TGFBI: variants seen among roughly 807,000 people sequenced by gnomAD.
TGFBI encodes transforming growth factor beta induced.
TGFBI carries 50 observed loss-of-function variants against 73.7 expected under a neutral mutation model. That is an observed-to-expected ratio of 0.68 (90% CI 0.54 to 0.86). The LOEUF is 0.86. TGFBI is among the 40% of genes least tolerant of loss of function. TGFBI has a pLI of 0.00. For synonymous variants in TGFBI, 362 were observed against 360.5 expected, an observed-to-expected ratio of 1.00 and a Z score of -0.05; for missense variants, 839 against 877.0, an observed-to-expected ratio of 0.96 and a Z score of 0.55.
chr5:136,056,098 C>T (rs1290594945), intron 11 of TGFBI, among the ~76,000 whole-genome samples: 5 of 152,180 alleles, frequency 3.3e-5, no homozygotes, highest in Non-Finnish European at 7.3e-5. Flanking sequence ...GAAAACATCA[C>T]CCTCTCATTG....
rs372357214 is a variant in TGFBI at position 136,056,804 on chromosome 5, C to A, written c.1678+9C>A. The A allele has an allele frequency of 1.2e-6, 2 of 1,610,486 alleles. No homozygotes were observed. Among genetic ancestry groups the A allele is most frequent in the Non-Finnish European group, 1.7e-6 (2 of 1,178,142 alleles). ...ACGGAGCAGACTCTTGGGTAAAGACCAACTTAAGTACACGTCTCCATTTTT... is the reference window on the plus strand; with the variant it reads ...ACGGAGCAGACTCTTGGGTAAAGACAAACTTAAGTACACGTCTCCATTTTT... On this transcript the variant is annotated intron_variant, in intron 12 of 16. Transcript: ENST00000442011.
chr5:136,040,368 G>A (rs1210691366), intron 2 of TGFBI, among the ~76,000 whole-genome samples: 1 of 152,210 alleles, frequency 6.6e-6, no homozygotes, highest in East Asian at 1.9e-4. Flanking sequence ...GAGTGGCAGG[G>A]AGTGAGCATT....
intron 6 of TGFBI, chr5:136,049,120 T>G: frequency 3.9e-6 from 1 of 257,792 alleles, no homozygotes; most frequent in Non-Finnish European, 7.5e-6. Flanking sequence ...GAAATGATAT[T>G]TTAGTGGAAG....
In TGFBI at chr5:136,054,503, G is replaced by A. The variant is rs147234618; in HGVS notation, c.1265-213G>A. Among the ~76,000 whole-genome samples the A allele has an allele frequency of 2.4e-4, 37 of 152,234 alleles. 1 individual carries two copies. Among genetic ancestry groups the A allele is most frequent in the South Asian group, 1.9e-3 (9 of 4,814 alleles). ...GTGCGTGCCTGCCCTTCCCTCTTAG[G>A]GCAAAACTCCAAACACCCTTGATTA... On this transcript the variant is annotated intron_variant, in intron 9 of 16. Transcript: ENST00000442011.
intron 1 of TGFBI, 36 bp downstream of exon 1, chr5:136,029,225 T>G: frequency 7.0e-7 from 1 of 1,437,208 alleles, no homozygotes; most frequent in Non-Finnish European, 9.1e-7. Context: ...CTGCGGAAGG[T>G]CAGGTAGTCG....
chr5:136,038,731 AAAG>A (rs1007375424), intron 2 of TGFBI, among the ~76,000 whole-genome samples: 3 of 151,684 alleles, frequency 2.0e-5, no homozygotes, highest in African/African-American at 7.3e-5. Flanking sequence ...AAAAAAAAAA[AAAG>A]AGGGAGGCAG....
chr5:136,055,552 A>G lies in TGFBI; in HGVS notation c.1411-128A>G, dbSNP rs1018140892. The G allele has an allele frequency of 3.7e-6, 3 of 807,110 alleles. No individual in the cohort carries two copies. In the African/African-American group the frequency reaches 5.3e-5, roughly 14 times the overall value. 50.0% of individuals were successfully genotyped at this position (807,110 alleles called of 1,614,324 possible). A position where few individuals can be genotyped will look rare whatever the true frequency, so the allele number is the denominator to read the frequency against. Reference sequence around the variant, plus strand: ...AATACATCATTTTATCCCAGCCTTAATAACCCATCCCAGTGTATACTCCTT... The same window carrying G: ...AATACATCATTTTATCCCAGCCTTAGTAACCCATCCCAGTGTATACTCCTT... On this transcript the variant is annotated intron_variant, in intron 10 of 16. Transcript: ENST00000442011.
At chr5:136,054,935 G>A in intron 10 of TGFBI, 74 bp downstream of exon 10, 3 of 1,529,290 alleles carry the variant, frequency 2.0e-6, no homozygotes, top group African/African-American at 1.4e-5. Context: ...AAAAAAAAAT[G>A]TCCTCAATAA....
intron 12 of TGFBI, among the ~76,000 whole-genome samples, chr5:136,057,474 G>A (rs754954221): frequency 2.0e-5 from 3 of 152,096 alleles, no homozygotes; most frequent in African/African-American, 7.2e-5. Context: ...AATGAGGAAG[G>A]TAAGAGTATC....
intron 16 of TGFBI, 113 bp from the exon 17 acceptor site, chr5:136,063,073 G>A: frequency 1.1e-6 from 1 of 925,316 alleles, no homozygotes; most frequent in South Asian, 1.4e-5. Context: ...CTATGTGCAG[G>A]AGAGCATGGC....
intron 3 of TGFBI, 31 bp downstream of exon 3, chr5:136,044,153 G>A (rs1246086365): frequency 6.3e-7 from 1 of 1,593,200 alleles, no homozygotes; most frequent in African/African-American, 1.3e-5. Context: ...TTGCCTGTTG[G>A]TGTGGGTGGA....
At chr5:136,038,720 C>CA (rs35433510) in intron 2 of TGFBI, among the ~76,000 whole-genome samples, 16,134 of 139,898 alleles carry the variant, frequency 0.12, 2,277 homozygotes, top group African/African-American at 0.33. Context: ...GACTCCATCT[C>CA]AAAAAAAAAA....
intron 9 of TGFBI, among the ~76,000 whole-genome samples, chr5:136,054,409 G>T (rs1480399227): frequency 6.6e-6 from 1 of 152,208 alleles, no homozygotes; most frequent in Non-Finnish European, 1.5e-5. Flanking sequence ...CCAATGTATA[G>T]TCAAGAGGTC....
intron 1 of TGFBI, 60 bp from the exon 2 acceptor site, chr5:136,033,703 G>A: frequency 2.1e-6 from 3 of 1,425,078 alleles, no homozygotes; most frequent in Admixed American, 1.8e-5. Flanking sequence ...CACGATGGGA[G>A]TCATTAAAGT....
chr5:136,040,855 C>T (rs905903461), intron 2 of TGFBI, among the ~76,000 whole-genome samples: 3 of 152,166 alleles, frequency 2.0e-5, no homozygotes, highest in Non-Finnish European at 2.9e-5. Flanking sequence ...GGCATCAGAC[C>T]CATGCCTCTG....
chr5:136,046,462 C>A lies in TGFBI; in HGVS notation c.426C>A (p.Ala142=). The change falls in exon 4 of 17, where the codon GCC becomes GCA. Residue 142 remains alanine, a synonymous_variant. Coordinates refer to ENST00000442011, the MANE Select transcript of TGFBI (RefSeq NM_000358.3). ...GGCCCGGCAGCTTCACCATCTTCGC[C>A]CCTAGCAACGAGGCCTGGGCCTCCT... ...MEGPGSFTIF[A]PSNEAWASLP... is the part of the protein sequence containing the mutation. 6.2e-7 allele frequency: 1 copy of A among 1,612,030 alleles called. No homozygotes were observed.
intron 3 of TGFBI, 111 bp from the exon 4 acceptor site, chr5:136,046,224 C>T (rs1243896591): frequency 5.3e-6 from 7 of 1,330,582 alleles, no homozygotes; most frequent in Non-Finnish European, 7.2e-6. Context: ...TCCCACATGC[C>T]TCCTCGTCCT....
intron 6 of TGFBI, chr5:136,047,764 T>A: frequency 4.2e-6 from 1 of 237,808 alleles, no homozygotes; most frequent in Non-Finnish European, 8.2e-6. Flanking sequence ...ATAAATGGCC[T>A]ATCAGGCTGT....
At chr5:136,061,117 TA>T in intron 14 of TGFBI, 181 bp downstream of exon 14, 1 of 603,720 alleles carries the variant, frequency 1.7e-6, no homozygotes, top group South Asian at 2.4e-5. Context: ...TGCACCACAC[TA>T]AGGAATGTGA....
Sources: allele counts gnomAD v4.1 joint callset (sites outside exome capture counted in the v4.1 genomes callset), GRCh38; gene constraint gnomAD v4.1.1; transcripts MANE v1.5; gene names NCBI Gene and HGNC (gene_info 2026-07-23, HGNC 2026-07-21).